The following SLC6A12 variants were observed in gnomAD, a reference collection of about 807,000 sequenced individuals.
The protein encoded by SLC6A12 is sodium- and chloride-dependent betaine transporter.
In SLC6A12, 50 loss-of-function variants were observed where a neutral mutation model predicts 73.3. The observed-to-expected ratio is 0.68, with a 90% CI of 0.54 to 0.86. The LOEUF (loss-of-function observed/expected upper bound fraction) is 0.86, where lower values mean the gene tolerates loss of function less well. Among genes scored for constraint, SLC6A12 ranks in the 40% least tolerant of loss-of-function variants. The pLI, the probability that SLC6A12 is intolerant of heterozygous loss-of-function variation, is 0.00. For missense variants in SLC6A12, 648 were observed against 772.8 expected, an observed-to-expected ratio of 0.84 and a Z score of 1.92; for synonymous variants, 304 against 309.2, an observed-to-expected ratio of 0.98 and a Z score of 0.18.
chr12:196,670 G>A (rs1939882889), intron 11 of SLC6A12, 100 bp downstream of exon 11: 2 of 839,702 alleles, frequency 2.4e-6, no homozygotes, highest in Admixed American at 1.8e-5. Context: ...CCTCAGGTGT[G>A]TGGTCAGGGG....
At chr12:206,218 G>A (rs1230706445) in intron 3 of SLC6A12, among the ~76,000 whole-genome samples, 3 of 152,286 alleles carry the variant, frequency 2.0e-5, no homozygotes, top group African/African-American at 7.2e-5. Context: ...CTCTGTACAC[G>A]TTAAACACTA....
downstream of SLC6A12, among the ~76,000 whole-genome samples, chr12:188,701 G>A (rs1032402933): frequency 1.8e-4 from 28 of 151,892 alleles, no homozygotes; most frequent in African/African-American, 6.5e-4. Flanking sequence ...ACACAGGCGC[G>A]TGAACTCATG....
chr12:208,607 C>T (rs754707953), intron 3 of SLC6A12, among the ~76,000 whole-genome samples: 11 of 152,078 alleles, frequency 7.2e-5, no homozygotes, highest in African/African-American at 1.2e-4. Flanking sequence ...CAAAGGACGG[C>T]GCATTGAACG....
downstream of SLC6A12, among the ~76,000 whole-genome samples, chr12:188,225 C>T (rs1356709819): frequency 6.6e-6 from 1 of 152,204 alleles, no homozygotes; most frequent in Non-Finnish European, 1.5e-5. Context: ...GGGAGGGAGG[C>T]TCAGGCATGG....
At chr12:206,839 C>G (rs776659194) in intron 3 of SLC6A12, among the ~76,000 whole-genome samples, 1 of 152,256 alleles carries the variant, frequency 6.6e-6, no homozygotes, top group Non-Finnish European at 1.5e-5. Flanking sequence ...CCAGAAGGCA[C>G]TTTACAGGAT....
At chr12:185,953 C>T (rs1565460682), downstream of SLC6A12, among the ~76,000 whole-genome samples, 1 of 152,220 alleles carries the variant, frequency 6.6e-6, no homozygotes, top group Non-Finnish European at 1.5e-5. Flanking sequence ...GCCCTTGTTA[C>T]TTCACTGAGC....
chr12:196,976 G>C, intron 10 of SLC6A12, 94 bp from the exon 11 acceptor site: 1 of 776,484 alleles, frequency 1.3e-6, no homozygotes, highest in Admixed American at 2.0e-5. Flanking sequence ...GTGTGTACCT[G>C]TGCACACACT....
At chr12:186,875 GA>G (rs1396595972), downstream of SLC6A12, among the ~76,000 whole-genome samples, 1 of 152,188 alleles carries the variant, frequency 6.6e-6, no homozygotes, top group Non-Finnish European at 1.5e-5. Context: ...GAGCAGGCTG[GA>G]GCCTGTGGTA....
chr12:187,620 A>AAAAC (rs1939458367), downstream of SLC6A12, among the ~76,000 whole-genome samples: 1 of 34,986 alleles, frequency 2.9e-5, no homozygotes, highest in African/African-American at 7.7e-5. Context: ...AAAAAAAAAA[A>AAAAC]AAAAAAAAAA....
chr12:189,640 C>T (rs1010061624), downstream of SLC6A12, among the ~76,000 whole-genome samples: 6 of 152,128 alleles, frequency 3.9e-5, no homozygotes, highest in African/African-American at 1.4e-4. Context: ...CCTGAAATTC[C>T]CTCCCCAGCC....
Position 198,047 on chromosome 12 carries a change from C to G in SLC6A12, c.847-44G>C. ...AAGAGGTAGAGGCAGCCCCCAGGGC[C>G]CAGAGCCAGGGTGACCCGAGATCCA... is the stretch of plus-strand genomic sequence containing the variant. On this transcript the variant is annotated intron_variant, in intron 8 of 15. Transcript: ENST00000684302. This position sits in a 1 kb window ranked among gnomAD's most constrained non-coding sequence, Gnocchi z 4.0. 1 of 1,550,882 alleles carries G rather than the reference C, an allele frequency of 6.4e-7. No homozygotes were observed. Among genetic ancestry groups the G allele is most frequent in the Non-Finnish European group, 8.9e-7 (1 of 1,123,616 alleles).
chr12:196,496 AGGGGCT>A (rs971982852), intron 11 of SLC6A12, among the ~76,000 whole-genome samples: 6 of 152,336 alleles, frequency 3.9e-5, no homozygotes, highest in African/African-American at 1.2e-4. Flanking sequence ...CCCGAGGCTC[AGGGGCT>A]GGGGCTGGGC....
chr12:198,900 A>G lies in SLC6A12; in HGVS notation c.743T>C (p.Leu248Pro), dbSNP rs1406568221. 2 of 1,614,188 alleles carry G rather than the reference A, an allele frequency of 1.2e-6. No individual in the cohort carries two copies. Among genetic ancestry groups the G allele is most frequent in the East Asian group, 2.2e-5 (1 of 44,872 alleles). The change falls in exon 8 of 16, where the codon CTG becomes CCG. Residue 248 changes from leucine (L) to proline (P), a missense_variant. By Grantham distance (98) the Leu-to-Pro change is moderately conservative (BLOSUM62 -3). Coordinates refer to ENST00000684302, the MANE Select transcript of SLC6A12 (RefSeq NM_001122848.3). The surrounding 1 kb of genome is among the most constrained non-coding windows in gnomAD (Gnocchi z 4.0). ...VVYFTATFPY[L>P]MLVILLIRGV... ...TCTGATCAGCAAAATGACAAGCATC[A>G]GGTACGGAAACGTGGCTGTGAAATA... is the stretch of plus-strand genomic sequence containing the variant.
At chr12:193,111 C>T in intron 14 of SLC6A12, 166 bp downstream of exon 14, 2 of 602,918 alleles carry the variant, frequency 3.3e-6, no homozygotes, top group East Asian at 5.5e-5. Flanking sequence ...GATGAGATGG[C>T]CCCAGAAAGA....
In SLC6A12 at chr12:196,280, A is replaced by C. The variant is rs1939860013; in HGVS notation, c.1189-19T>G. 2 of 1,604,888 alleles carry C rather than the reference A, an allele frequency of 1.2e-6. No homozygotes were observed. The highest frequency in any genetic ancestry group is 2.3e-5 in the South Asian group (2 of 88,630). On this transcript the variant is annotated intron_variant, in intron 11 of 15. Coordinates refer to ENST00000684302, the MANE Select transcript of SLC6A12 (RefSeq NM_001122848.3). The stretch of plus-strand genomic sequence containing the variant: ...AGACAAACTGTGGGCCAGGAGGGGA[A>C]CTGGATGAGAGGGTGTGGGGCGGGC...
At chr12:208,584 A>C (rs1940765073) in intron 3 of SLC6A12, among the ~76,000 whole-genome samples, 1 of 152,338 alleles carries the variant, frequency 6.6e-6, no homozygotes, top group Non-Finnish European at 1.5e-5. Context: ...AAAAAAATGA[A>C]TCTAACCACT....
At chr12:199,089 A>C in intron 7 of SLC6A12, 158 bp from the exon 8 acceptor site, 1 of 507,196 alleles carries the variant, frequency 2.0e-6, no homozygotes, top group Non-Finnish European at 3.5e-6. Context: ...CTCCCTTTAC[A>C]CATTCCAGTG....
rs748697803 is a variant in SLC6A12 at position 200,661 on chromosome 12, G to C, written c.701C>G (p.Ser234Cys). ...CYFCIWKGVK[S>C]TGKVVYFTAT... is the part of the protein sequence containing the mutation. Reference sequence around the variant, plus strand: ...GGCAGGACATCTCACCTTGCCTGTGGACTTGACCCCCTTCCAGATGCAGAA... The same window carrying C: ...GGCAGGACATCTCACCTTGCCTGTGCACTTGACCCCCTTCCAGATGCAGAA... The change falls in exon 7 of 16, where the codon TCC becomes TGC. Residue 234 changes from serine (S) to cysteine (C), a missense_variant. Coordinates refer to ENST00000684302, the MANE Select transcript of SLC6A12 (RefSeq NM_001122848.3). The C allele has an allele frequency of 5.0e-6, 8 of 1,613,982 alleles. No individual in the cohort carries two copies. The Admixed American group carries it at 8.3e-5, about 17-fold the overall frequency.
chr12:209,018 G>A (rs1448449716), intron 3 of SLC6A12, among the ~76,000 whole-genome samples: 1 of 152,122 alleles, frequency 6.6e-6, no homozygotes, highest in African/African-American at 2.4e-5. Flanking sequence ...ACCTCAGCCT[G>A]AGTGATCCCT....
Sources: gnomAD v4.1 joint callset for allele counts (sites outside exome capture counted in the v4.1 genomes callset) on GRCh38, gnomAD v4.1.1 for gene constraint, Gnocchi (gnomAD v3.1) non-coding constraint, MANE v1.5 for transcripts, NCBI Gene and HGNC (gene_info 2026-07-23, HGNC 2026-07-21) for gene names.